The following HEATR4 variants were observed in gnomAD, a reference collection of about 807,000 sequenced individuals.
The protein encoded by HEATR4 is HEAT repeat containing 4, also known as HEAT repeat-containing protein 4.
A neutral mutation model predicts 108.8 loss-of-function variants in HEATR4; 95 were observed. The ratio of observed to expected loss-of-function variants is 0.87; its 90% CI spans 0.74 to 1.04. HEATR4 has a LOEUF of 1.04. HEATR4 is among the 50% of genes least tolerant of loss of function. The pLI, the probability that HEATR4 is intolerant of heterozygous loss-of-function variation, is 0.00. For missense variants in HEATR4, 1,152 were observed against 1,253.8 expected (o/e 0.92, Z 1.23); for synonymous variants, 443 against 459.4 (o/e 0.96, Z 0.46).
At chr14:73,503,985 G>A (rs1241064310) in intron 10 of HEATR4, among the ~76,000 whole-genome samples, 1 of 152,112 alleles carries the variant, frequency 6.6e-6, no homozygotes, top group Non-Finnish European at 1.5e-5. Context: ...TGCCAAGGAG[G>A]TGAAGGTACA....
the HEATR4 span, among the ~76,000 whole-genome samples, chr14:73,564,492 G>C: frequency 2.0e-5 from 3 of 151,422 alleles, no homozygotes; most frequent in Non-Finnish European, 3.0e-5. Context: ...TGTGGTCCCA[G>C]GTGCTCAGGA....
At chr14:73,631,129 G>A in the HEATR4 span, among the ~76,000 whole-genome samples, 1 of 152,082 alleles carries the variant, frequency 6.6e-6, no homozygotes, top group African/African-American at 2.4e-5. Flanking sequence ...AGATAAATGG[G>A]ATAAGATTTG....
At chr14:73,595,638 C>T in the HEATR4 span, 6 of 1,523,772 alleles carry the variant, frequency 3.9e-6, no homozygotes, top group Non-Finnish European at 5.3e-6. Flanking sequence ...CAGAAAACAG[C>T]TGTCCCTAAA....
At chr14:73,619,918 T>A in the HEATR4 span, 155 of 1,260,664 alleles carry the variant, frequency 1.2e-4, no homozygotes, top group Non-Finnish European at 1.5e-4. Context: ...CTTTCTTTTC[T>A]CTTTTTTTTT....
chr14:73,630,212 A>G, the HEATR4 span, among the ~76,000 whole-genome samples: 4 of 152,070 alleles, frequency 2.6e-5, no homozygotes, highest in Non-Finnish European at 5.9e-5. Context: ...CCTCCTGCAC[A>G]AATAACTGAT....
At chr14:73,594,712 A>C in the HEATR4 span, among the ~76,000 whole-genome samples, 1 of 150,866 alleles carries the variant, frequency 6.6e-6, no homozygotes, top group Admixed American at 6.6e-5. Flanking sequence ...TTATTTATTT[A>C]TCTTTTGAGA....
the HEATR4 span, chr14:73,619,254 G>A: frequency 4.2e-5 from 67 of 1,590,818 alleles, no homozygotes; most frequent in Non-Finnish European, 5.2e-5. Context: ...CTAGTATTGC[G>A]CTTCTTGGAT....
upstream of HEATR4, among the ~76,000 whole-genome samples, chr14:73,560,979 A>G (rs1000755543): frequency 6.6e-6 from 1 of 152,140 alleles, no homozygotes; most frequent in Non-Finnish European, 1.5e-5. Flanking sequence ...CACAATAGCC[A>G]AACGGTGGAA....
At chr14:73,566,675 G>A in the HEATR4 span, among the ~76,000 whole-genome samples, 12 of 152,138 alleles carry the variant, frequency 7.9e-5, no homozygotes, top group South Asian at 6.2e-4. Flanking sequence ...CAGCTGGCCC[G>A]CAAGTGCGGA....
the HEATR4 span, chr14:73,595,367 C>G: frequency 6.2e-7 from 1 of 1,614,100 alleles, no homozygotes; most frequent in Non-Finnish European, 8.5e-7. Context: ...TCAGGATGAC[C>G]ATAACTGGAG....
chr14:73,526,258 G>C (rs571031583), intron 2 of HEATR4, among the ~76,000 whole-genome samples: 9 of 152,334 alleles, frequency 5.9e-5, no homozygotes, highest in African/African-American at 4.8e-5. Flanking sequence ...CTCTGGGCCA[G>C]AGGAGAATCC....
chr14:73,621,484 A>T, the HEATR4 span, among the ~76,000 whole-genome samples: 1 of 152,186 alleles, frequency 6.6e-6, no homozygotes, highest in African/African-American at 2.4e-5. Context: ...TGTCTGCCTC[A>T]ACCTACTGCA....
At chr14:73,592,725 C>T in the HEATR4 span, among the ~76,000 whole-genome samples, 4 of 152,122 alleles carry the variant, frequency 2.6e-5, no homozygotes, top group South Asian at 6.2e-4. Context: ...TGGTGGCACA[C>T]GCCTGTAGTC....
At chr14:73,573,663 A>C in the HEATR4 span, 1 of 1,562,314 alleles carries the variant, frequency 6.4e-7, no homozygotes, top group Non-Finnish European at 8.8e-7. Context: ...TTTTCACAGA[A>C]GTTAGCTCAT....
At chr14:73,502,037 G>A (rs950899107) in intron 11 of HEATR4, among the ~76,000 whole-genome samples, 10 of 150,382 alleles carry the variant, frequency 6.6e-5, no homozygotes, top group South Asian at 4.2e-4. Context: ...GAGCCACTGC[G>A]CCCGGCCAAT....
rs187149214 is a variant in HEATR4, at chr14:73,517,871, G to A, written c.1210+1152C>T. On this transcript the variant is annotated intron_variant, in intron 5 of 17. Coordinates refer to ENST00000553558, the MANE Select transcript of HEATR4 (RefSeq NM_001220484.1). ...TGGGAGGCCGAGGTGGACAGATCAC[G>A]AGGTCAAGAGATCAAGACCATCCTG... Among the ~76,000 whole-genome samples, 271 of 152,000 alleles carry A rather than the reference G, an allele frequency of 1.8e-3. 1 individual carries two copies. The highest frequency in any genetic ancestry group is 6.2e-3 in the African/African-American group (257 of 41,480).
the HEATR4 span, among the ~76,000 whole-genome samples, chr14:73,598,217 C>CAA: frequency 0.39 from 21,472 of 54,836 alleles, 4,089 homozygotes; most frequent in East Asian, 0.61. Context: ...ACTAAAAATA[C>CAA]AAAAAAAAAA....
chr14:73,595,439 C>T, the HEATR4 span: 11 of 1,614,230 alleles, frequency 6.8e-6, no homozygotes, highest in Non-Finnish European at 9.3e-6. Context: ...GGAAAAACCC[C>T]AGATCATCTG....
chr14:73,590,800 C>T, the HEATR4 span, among the ~76,000 whole-genome samples: 1 of 151,938 alleles, frequency 6.6e-6, no homozygotes, highest in Non-Finnish European at 1.5e-5. Flanking sequence ...AGCCCCGGTT[C>T]CCGCCCGCGC....
Sources: allele counts gnomAD v4.1 joint callset (sites outside exome capture counted in the v4.1 genomes callset), GRCh38; gene constraint gnomAD v4.1.1; transcripts MANE v1.5; gene names NCBI Gene and HGNC (gene_info 2026-07-23, HGNC 2026-07-21).